GRIK3: variants seen among roughly 807,000 people sequenced by gnomAD.
GRIK3 encodes glutamate receptor ionotropic, kainate 3.
Under a neutral mutation model 102.5 loss-of-function variants are expected in GRIK3, and 29 were observed. The observed-to-expected ratio is 0.28, with a 90% CI of 0.21 to 0.39. GRIK3 has a LOEUF of 0.39. GRIK3 is among the 10% of genes least tolerant of loss of function. GRIK3 has a pLI of 1.00. For synonymous variants in GRIK3, 511 were observed against 504.9 expected (o/e 1.01, Z -0.16); for missense variants, 908 against 1,252.4 (o/e 0.73, Z 4.15).
At chr1:37,023,966 C>T (rs1014028808) in intron 1 of GRIK3, among the ~76,000 whole-genome samples, 2 of 152,178 alleles carry the variant, frequency 1.3e-5, no homozygotes, top group African/African-American at 4.8e-5. Context: ...TAGGTTCTGC[C>T]TTTAGGCTCA....
intron 1 of GRIK3, among the ~76,000 whole-genome samples, chr1:36,975,291 T>TG (rs1351812182): frequency 4.9e-5 from 7 of 144,004 alleles, no homozygotes; most frequent in Non-Finnish European, 4.5e-5. Flanking sequence ...AAAGTTGGTT[T>TG]TTTTTTTTTT....
At chr1:36,955,595 C>T (rs1170021871) in intron 1 of GRIK3, among the ~76,000 whole-genome samples, 1 of 152,154 alleles carries the variant, frequency 6.6e-6, no homozygotes, top group Admixed American at 6.5e-5. Context: ...AGGGCACATG[C>T]ACATACATTC....
chr1:36,819,803 C>T lies in GRIK3; in HGVS notation c.1806G>A (p.Glu602=), dbSNP rs750602238. Reference sequence around the variant, plus strand: ...GCAGAGTGAAGTTATTTTCCACCACCTCGGAGCCAGGGTTGCAGGGGTGAG... The same window carrying T: ...GCAGAGTGAAGTTATTTTCCACCACTTCGGAGCCAGGGTTGCAGGGGTGAG... ...YDAHPCNPGS[E]VVENNFTLLN... The change falls in exon 12 of 16, where the codon GAG becomes GAA. Residue 602 remains glutamate (E), a synonymous_variant. Transcript: ENST00000373091. This position sits in a 1 kb window ranked among gnomAD's most constrained non-coding sequence, Gnocchi z 4.1. The T allele has an allele frequency of 7.5e-6, 12 of 1,606,180 alleles. No individual in the cohort carries two copies. Among genetic ancestry groups the T allele is most frequent in the African/African-American group, 5.3e-5 (4 of 74,866 alleles).
intron 13 of GRIK3, among the ~76,000 whole-genome samples, chr1:36,807,308 C>T (rs906395048): frequency 6.6e-6 from 1 of 152,074 alleles, no homozygotes; most frequent in Non-Finnish European, 1.5e-5. Flanking sequence ...GACCAGGGTG[C>T]ACGGCATTCA....
intron 1 of GRIK3, among the ~76,000 whole-genome samples, chr1:37,015,342 T>C (rs1049706312): frequency 3.3e-5 from 5 of 152,168 alleles, no homozygotes; most frequent in African/African-American, 1.2e-4. Flanking sequence ...TAAGAGCCCT[T>C]ATTTTATCCA....
chr1:36,827,903 C>A (rs867143391), intron 10 of GRIK3, among the ~76,000 whole-genome samples: 3 of 152,038 alleles, frequency 2.0e-5, no homozygotes, highest in Non-Finnish European at 4.4e-5. Flanking sequence ...ACCTTCAGAA[C>A]CTGGGAAAGA....
chr1:36,914,011 T>C (rs61570199), intron 1 of GRIK3, among the ~76,000 whole-genome samples: 10,220 of 152,276 alleles, frequency 0.067, 939 homozygotes, highest in African/African-American at 0.21. Context: ...CAGCACAGCT[T>C]TGTTCTTGGC....
rs1642389926 is a variant in GRIK3, at chr1:36,798,135, T to C, written c.*3716A>G. On this transcript the variant is annotated 3_prime_UTR_variant, in exon 16 of 16. Coordinates refer to ENST00000373091, the MANE Select transcript of GRIK3 (RefSeq NM_000831.4). ...TGAACATTGACAACGCTTTCAGGAT[T>C]TTCTTCTGTCCAGAGCAGAGAAACC... 1 of 152,322 alleles carries C rather than the reference T, an allele frequency of 6.6e-6. No homozygotes were observed. Among genetic ancestry groups the C allele is most frequent in the Non-Finnish European group, 1.5e-5 (1 of 68,162 alleles). 9.4% of individuals were successfully genotyped at this position (152,322 alleles called of 1,614,324 possible). A position where few individuals can be genotyped will look rare whatever the true frequency, so the allele number is the denominator to read the frequency against.
intron 1 of GRIK3, among the ~76,000 whole-genome samples, chr1:36,904,188 C>A (rs78288613): frequency 6.6e-6 from 1 of 152,216 alleles, no homozygotes; most frequent in Non-Finnish European, 1.5e-5. Context: ...CGTGAACACA[C>A]AACTGTGTCC....
chr1:37,007,234 A>C (rs1570861374), intron 1 of GRIK3, among the ~76,000 whole-genome samples: 1 of 152,358 alleles, frequency 6.6e-6, no homozygotes, highest in East Asian at 1.9e-4. Context: ...GGGTGCTGTT[A>C]TTACGCCCAT....
At chr1:36,967,054 T>G (rs1642087249) in intron 1 of GRIK3, among the ~76,000 whole-genome samples, 1 of 152,194 alleles carries the variant, frequency 6.6e-6, no homozygotes, top group Non-Finnish European at 1.5e-5. Flanking sequence ...TCAGGTCTTG[T>G]GTTGGGCCCC....
intron 2 of GRIK3, among the ~76,000 whole-genome samples, chr1:36,884,601 G>A (rs552614676): frequency 1.4e-4 from 22 of 152,284 alleles, no homozygotes; most frequent in African/African-American, 4.8e-4. Flanking sequence ...GCCTGAGGCC[G>A]TGGGCACCCT....
In GRIK3 at chr1:36,962,883, C is replaced by CAA. The variant is rs57315084; in HGVS notation, c.115+71109_115+71110dup. Among the ~76,000 whole-genome samples, 698 of 74,098 alleles carry CAA rather than the reference C, an allele frequency of 9.4e-3. 14 individuals are homozygous for CAA. Among genetic ancestry groups the CAA allele is most frequent in the Middle Eastern group, 0.02 (2 of 98 alleles). The allele number at this position is 74,098 out of a possible 152,430, so 48.6% of individuals were successfully genotyped here. ...TGGGCAACAGAGCGAGACTCCCTCT[C>CAA]AAAAAAAAAAAAAAAAAAAGGAGGA... On this transcript the variant is annotated intron_variant, in intron 1 of 15. Transcript: ENST00000373091.
intron 1 of GRIK3, among the ~76,000 whole-genome samples, chr1:37,020,181 C>G (rs185308009): frequency 6.6e-6 from 1 of 152,118 alleles, no homozygotes; most frequent in African/African-American, 2.4e-5. Flanking sequence ...ACTCCTGGCA[C>G]GACTTTTCTG....
At chr1:36,802,178 A>G in intron 15 of GRIK3, 133 bp from the exon 16 acceptor site, 2 of 604,100 alleles carry the variant, frequency 3.3e-6, no homozygotes, top group South Asian at 2.2e-5. Context: ...CCTTCACCCC[A>G]CCCATCCCTC....
intron 1 of GRIK3, among the ~76,000 whole-genome samples, chr1:36,947,558 T>C (rs1332173833): frequency 2.0e-5 from 3 of 152,134 alleles, no homozygotes; most frequent in Admixed American, 6.5e-5. Flanking sequence ...GCCTGTCAGG[T>C]TCTCCTCTCC....
In GRIK3 at chr1:36,997,100, G is replaced by C. The variant is rs374445289; in HGVS notation, c.115+36894C>G. Among the ~76,000 whole-genome samples, 8 of 152,264 alleles carry C rather than the reference G, an allele frequency of 5.3e-5. No homozygotes were observed. In the South Asian group the frequency reaches 1.2e-3, roughly 24 times the overall value. On this transcript the variant is annotated intron_variant, in intron 1 of 15. Transcript: ENST00000373091. The stretch of plus-strand genomic sequence containing the variant: ...CCATGTAGGGAATTGGGACCCCAAG[G>C]GTTCAGGGAGCCCATCCCTCTATCT...
intron 1 of GRIK3, among the ~76,000 whole-genome samples, chr1:37,011,801 T>C (rs1642598768): frequency 6.6e-6 from 1 of 152,210 alleles, no homozygotes; most frequent in East Asian, 1.9e-4. Flanking sequence ...GACTCCTAGC[T>C]CTTCCATGCA....
At chr1:36,882,925 G>A (rs957887926) in intron 2 of GRIK3, among the ~76,000 whole-genome samples, 14 of 152,164 alleles carry the variant, frequency 9.2e-5, no homozygotes, top group African/African-American at 3.4e-4. Context: ...TGCAACCATC[G>A]GAGATCCACC....
Sources: gnomAD v4.1 joint callset for allele counts (sites outside exome capture counted in the v4.1 genomes callset) on GRCh38, gnomAD v4.1.1 for gene constraint, Gnocchi (gnomAD v3.1) non-coding constraint, MANE v1.5 for transcripts, NCBI Gene and HGNC (gene_info 2026-07-23, HGNC 2026-07-21) for gene names.